TRMT13: variants seen among roughly 807,000 people sequenced by gnomAD.
The protein encoded by TRMT13 is tRNA methyltransferase 13, also known as tRNA:m(4)X modification enzyme TRM13 homolog.
In TRMT13, 45 loss-of-function variants were observed where a neutral mutation model predicts 55.9. The observed-to-expected ratio is 0.80, with a 90% CI of 0.63 to 1.03. The LOEUF (loss-of-function observed/expected upper bound fraction) is 1.03. TRMT13 is among the 50% of genes least tolerant of loss of function. The pLI is 0.00. For missense variants in TRMT13, 513 were observed against 563.9 expected (o/e 0.91, Z 0.91); for synonymous variants, 183 against 196.3 (o/e 0.93, Z 0.57).
chr1:100,137,295 A>G (rs1255520461), intron 3 of TRMT13, among the ~76,000 whole-genome samples: 1 of 152,098 alleles, frequency 6.6e-6, no homozygotes, highest in African/African-American at 2.4e-5. Context: ...TCCTGGACTC[A>G]AGCAATCCTC....
intron 4 of TRMT13, 102 bp from the exon 5 acceptor site, chr1:100,140,080 C>T: frequency 1.4e-5 from 10 of 712,154 alleles, no homozygotes; most frequent in Non-Finnish European, 2.4e-5. Flanking sequence ...AGAGCCTAAG[C>T]TGTCATGGGA....
chr1:100,138,122 G>C (rs554092045), intron 3 of TRMT13, among the ~76,000 whole-genome samples: 3 of 152,312 alleles, frequency 2.0e-5, no homozygotes, highest in Admixed American at 6.5e-5. Flanking sequence ...GCGGTGGAAT[G>C]ATGAGACGAA....
chr1:100,143,648 C>CT (rs1215869660), intron 8 of TRMT13, among the ~76,000 whole-genome samples: 11 of 152,250 alleles, frequency 7.2e-5, no homozygotes, highest in Non-Finnish European at 1.5e-4. Flanking sequence ...GAAGTCATCA[C>CT]TGTGGGATTC....
intron 3 of TRMT13, among the ~76,000 whole-genome samples, chr1:100,138,089 C>T (rs1366674775): frequency 6.6e-6 from 1 of 152,088 alleles, no homozygotes; most frequent in East Asian, 1.9e-4. Context: ...TACCAACACA[C>T]AGTGGCAAGG....
At chr1:100,136,083 T>C (rs1275676142) in intron 1 of TRMT13, among the ~76,000 whole-genome samples, 1 of 152,208 alleles carries the variant, frequency 6.6e-6, no homozygotes, top group African/African-American at 2.4e-5. Context: ...TACTGTATGA[T>C]GTTCTCCCAA....
Position 100,148,999 on chromosome 1 carries a change from A to G in TRMT13, c.*179A>G. ...ACTTCAGAAATCCAAACATTAGAGA[A>G]TTCACCAAAGTAATCCTCTTTAGAA... On this transcript the variant is annotated 3_prime_UTR_variant, in exon 11 of 11. Transcript: ENST00000370141. 1 of 1,476,000 alleles carries G rather than the reference A, an allele frequency of 6.8e-7. No homozygotes were observed. The highest frequency in any genetic ancestry group is 9.0e-7 in the Non-Finnish European group (1 of 1,106,224). 91.4% of individuals were successfully genotyped at this position (1,476,000 alleles called of 1,614,324 possible).
chr1:100,135,952 T>C (rs1168959513), intron 1 of TRMT13, among the ~76,000 whole-genome samples: 1 of 152,204 alleles, frequency 6.6e-6, no homozygotes, highest in African/African-American at 2.4e-5. Flanking sequence ...TACATTGTGT[T>C]ACAATTGCCT....
At chr1:100,137,674 G>A (rs186554142) in intron 3 of TRMT13, among the ~76,000 whole-genome samples, 2 of 152,114 alleles carry the variant, frequency 1.3e-5, no homozygotes, top group Non-Finnish European at 2.9e-5. Context: ...AGGTAGTCTG[G>A]GAAAAAAGAT....
chr1:100,137,640 C>G (rs562682498), intron 3 of TRMT13, among the ~76,000 whole-genome samples: 65 of 152,236 alleles, frequency 4.3e-4, no homozygotes, highest in African/African-American at 1.3e-3. Flanking sequence ...TCCAAGGGTG[C>G]TTGGTATACA....
intron 1 of TRMT13, among the ~76,000 whole-genome samples, chr1:100,134,788 T>G (rs752491347): frequency 1.3e-5 from 2 of 152,214 alleles, no homozygotes; most frequent in Admixed American, 6.5e-5. Flanking sequence ...ACAAGCTGAT[T>G]AGTATTCCTA....
intron 5 of TRMT13, 76 bp downstream of exon 5, chr1:100,140,327 TA>T (rs1656438979): frequency 6.4e-7 from 1 of 1,552,108 alleles, no homozygotes; most frequent in African/African-American, 1.4e-5. Context: ...CATTCTGGTT[TA>T]AAATATGTTA....
At position 100,149,613 on chromosome 1, in the gene TRMT13, A is replaced by G; in HGVS notation, c.*793A>G. 2.0e-6 allele frequency: 1 copy of G among 499,724 alleles called. No homozygotes were observed. The highest frequency in any genetic ancestry group is 3.5e-6 in the Non-Finnish European group (1 of 286,874). The allele number at this position is 499,724 out of a possible 1,614,324, so 31.0% of individuals were successfully genotyped here. Reference sequence around the variant, plus strand: ...TTTTATATATGTAGGCACAAACAATAAGTATGTTCTCTTCTGTTTGGGAAA... The same window carrying G: ...TTTTATATATGTAGGCACAAACAATGAGTATGTTCTCTTCTGTTTGGGAAA... On this transcript the variant is annotated 3_prime_UTR_variant, in exon 11 of 11. Transcript: ENST00000370141.
intron 1 of TRMT13, among the ~76,000 whole-genome samples, chr1:100,136,580 CATACAT>C (rs1281614739): frequency 6.6e-6 from 1 of 152,100 alleles, no homozygotes; most frequent in African/African-American, 2.4e-5. Flanking sequence ...ATAAAATAGT[CATACAT>C]ATAATAGTTG....
At chr1:100,148,380 C>T (rs943121630) in intron 10 of TRMT13, 54 bp downstream of exon 10, 5 of 1,499,776 alleles carry the variant, frequency 3.3e-6, no homozygotes, top group East Asian at 2.3e-5. Flanking sequence ...TTATATTGTA[C>T]TGTACTTTAG....
intron 7 of TRMT13, among the ~76,000 whole-genome samples, chr1:100,141,559 T>G (rs949897443): frequency 3.3e-5 from 5 of 152,190 alleles, no homozygotes; most frequent in Non-Finnish European, 5.9e-5. Context: ...GTCGAACTCC[T>G]GAGCTTAAGC....
At position 100,150,417 on chromosome 1, in the gene TRMT13, C is replaced by T. The variant is rs1169309168; in HGVS notation, c.*1597C>T. On this transcript the variant is annotated 3_prime_UTR_variant, in exon 11 of 11. Transcript: ENST00000370141. ...ATTAACCTTTTTTTATTGTGTCAAG[C>T]AATACTAATTTGTGTCATAAAATTT... is the stretch of plus-strand genomic sequence containing the variant. 2 of 152,070 alleles carry T rather than the reference C, an allele frequency of 1.3e-5. No homozygotes were observed. The highest frequency in any genetic ancestry group is 1.3e-4 in the Admixed American group (2 of 15,270). 9.4% of individuals were successfully genotyped at this position (152,070 alleles called of 1,614,324 possible).
At chr1:100,134,468 C>T (rs1423607677) in intron 1 of TRMT13, among the ~76,000 whole-genome samples, 2 of 152,168 alleles carry the variant, frequency 1.3e-5, no homozygotes, top group Non-Finnish European at 2.9e-5. Context: ...GCAGATCAGT[C>T]CCCTGACCCC....
At chr1:100,147,765 T>C (rs1208205780) in intron 9 of TRMT13, 129 bp from the exon 10 acceptor site, 1 of 790,876 alleles carries the variant, frequency 1.3e-6, no homozygotes, top group East Asian at 2.7e-5. Flanking sequence ...TTATTACAAA[T>C]ATAAAGCTGA....
rs762453058 is a variant in TRMT13, at chr1:100,133,292, G to T, written c.124G>T (p.Gly42Cys). 1.9e-6 allele frequency: 3 copies of T among 1,614,082 alleles called. No individual in the cohort carries two copies. In the South Asian group the frequency reaches 3.3e-5, roughly 18 times the overall value. ...MVVAAGKRFC[G>C]EHAGAAEEED... ...GGTGGCCGCAGGGAAAAGATTTTGT[G>T]GTGAACACGCTGGAGCCGCGGAGGT... The change falls in exon 1 of 11, where the codon GGT becomes TGT. Residue 42 changes from glycine to cysteine, a missense_variant. By Grantham distance (159) the Gly-to-Cys change is radical. Coordinates refer to ENST00000370141, the MANE Select transcript of TRMT13 (RefSeq NM_019083.3).
Sources: allele counts gnomAD v4.1 joint callset (sites outside exome capture counted in the v4.1 genomes callset), GRCh38; gene constraint gnomAD v4.1.1; transcripts MANE v1.5; gene names NCBI Gene and HGNC (gene_info 2026-07-23, HGNC 2026-07-21).